The following LRRC7 variants were observed in gnomAD, a reference collection of about 807,000 sequenced individuals.
LRRC7 encodes leucine rich repeat containing 7, also known as leucine-rich repeat-containing protein 7.
A neutral mutation model predicts 175.7 loss-of-function variants in LRRC7; 23 were observed. The observed-to-expected ratio is 0.13, with a 90% CI of 0.09 to 0.19. The LOEUF is 0.19. LRRC7 is among the 10% of genes least tolerant of loss of function. LRRC7 has a pLI of 1.00. For synonymous variants in LRRC7, 685 were observed against 680.9 expected (o/e 1.01, Z -0.09); for missense variants, 1,354 against 1,904.7 (o/e 0.71, Z 5.38).
At chr1:69,861,911 T>A (rs1684399624) in intron 7 of LRRC7, among the ~76,000 whole-genome samples, 1 of 152,200 alleles carries the variant, frequency 6.6e-6, no homozygotes, top group African/African-American at 2.4e-5. Context: ...GTTGCTACAG[T>A]GTAGCTTTCT....
At chr1:69,759,449 A>G (rs1007297950) in intron 2 of LRRC7, among the ~76,000 whole-genome samples, 7 of 151,998 alleles carry the variant, frequency 4.6e-5, no homozygotes, top group Non-Finnish European at 1.0e-4. Context: ...GGTCAGTTTA[A>G]CCTAGAGGAA....
intron 4 of LRRC7, among the ~76,000 whole-genome samples, chr1:69,803,456 G>T (rs2101105821): frequency 6.6e-6 from 1 of 151,470 alleles, no homozygotes; most frequent in South Asian, 2.1e-4. Context: ...TCAAGAATAT[G>T]TACACATTTT....
intron 2 of LRRC7, among the ~76,000 whole-genome samples, chr1:69,724,363 G>A (rs1479231200): frequency 6.6e-6 from 1 of 152,074 alleles, no homozygotes; most frequent in Non-Finnish European, 1.5e-5. Context: ...GAAAACCTAT[G>A]TCTTTGTGAA....
chr1:69,666,622 A>G (rs1658310942), intron 1 of LRRC7, among the ~76,000 whole-genome samples: 1 of 151,996 alleles, frequency 6.6e-6, no homozygotes, highest in Admixed American at 6.6e-5. Flanking sequence ...CATAGTAACC[A>G]CTAAAGATCT....
intron 1 of LRRC7, among the ~76,000 whole-genome samples, chr1:69,609,330 T>C (rs757633513): frequency 2.0e-5 from 3 of 152,100 alleles, no homozygotes; most frequent in Admixed American, 2.0e-4. Context: ...TTTAATATGT[T>C]AATCTATATA....
intron 7 of LRRC7, among the ~76,000 whole-genome samples, chr1:69,911,396 A>G (rs1646526241): frequency 6.6e-6 from 1 of 152,196 alleles, no homozygotes; most frequent in Non-Finnish European, 1.5e-5. Flanking sequence ...CACAATGACT[A>G]ATCTAAGTTA....
At chr1:69,618,482 T>C (rs759657674) in intron 1 of LRRC7, among the ~76,000 whole-genome samples, 2 of 152,182 alleles carry the variant, frequency 1.3e-5, no homozygotes, top group South Asian at 4.1e-4. Flanking sequence ...CAGACATAGT[T>C]GGAGAGGCTA....
chr1:69,999,659 G>A (rs1655339251), intron 11 of LRRC7, among the ~76,000 whole-genome samples: 1 of 152,146 alleles, frequency 6.6e-6, no homozygotes, highest in Non-Finnish European at 1.5e-5. Flanking sequence ...AATAGTTCAG[G>A]TGTTCTCTGA....
At chr1:69,741,608 T>A (rs1377685135) in intron 2 of LRRC7, among the ~76,000 whole-genome samples, 4 of 151,880 alleles carry the variant, frequency 2.6e-5, no homozygotes, top group Non-Finnish European at 4.4e-5. Flanking sequence ...GAGACAGGTA[T>A]GAGGAAGAGA....
chr1:70,114,456 G>A (rs1665721737), intron 26 of LRRC7, among the ~76,000 whole-genome samples: 1 of 152,154 alleles, frequency 6.6e-6, no homozygotes, highest in Non-Finnish European at 1.5e-5. Flanking sequence ...TTGAGGCAGA[G>A]GCAGGAGGAT....
intron 7 of LRRC7, among the ~76,000 whole-genome samples, chr1:69,888,179 A>G (rs1347263807): frequency 3.3e-5 from 5 of 151,450 alleles, no homozygotes; most frequent in South Asian, 2.1e-4. Flanking sequence ...TTGTTTACCT[A>G]AGCAAGCCTG....
At position 70,018,666 on chromosome 1, in the gene LRRC7, C is replaced by T. The variant is rs916543328; in HGVS notation, c.1321-53C>T. 4.7e-5 allele frequency: 58 copies of T among 1,241,536 alleles called. No individual in the cohort carries two copies. In the East Asian group the frequency reaches 1.3e-3, roughly 28 times the overall value. 76.9% of individuals were successfully genotyped at this position (1,241,536 alleles called of 1,614,324 possible). A position where few individuals can be genotyped will look rare whatever the true frequency, so the allele number is the denominator to read the frequency against. On this transcript the variant is annotated intron_variant, in intron 14 of 26. Transcript: ENST00000651989. ...TATCTGAGTGAGACCAGACTATTGA[C>T]TGTTATATATTTGCAATTGTATTCA...
chr1:69,598,721 A>G (rs1646937825), intron 1 of LRRC7, among the ~76,000 whole-genome samples: 1 of 152,194 alleles, frequency 6.6e-6, no homozygotes, highest in Non-Finnish European at 1.5e-5. Flanking sequence ...CATAAATTTA[A>G]CCATCACACA....
At chr1:69,958,086 C>A (rs1650686606) in intron 8 of LRRC7, among the ~76,000 whole-genome samples, 1 of 151,928 alleles carries the variant, frequency 6.6e-6, no homozygotes, top group African/African-American at 2.4e-5. Flanking sequence ...TATATATCAT[C>A]TAATGATTCT....
intron 3 of LRRC7, among the ~76,000 whole-genome samples, chr1:69,766,938 G>A (rs1671688781): frequency 6.6e-6 from 1 of 152,052 alleles, no homozygotes; most frequent in African/African-American, 2.4e-5. Context: ...TACAAATTCA[G>A]TTGTTATTTT....
At chr1:69,909,661 C>T (rs1415092555) in intron 7 of LRRC7, among the ~76,000 whole-genome samples, 1 of 152,064 alleles carries the variant, frequency 6.6e-6, no homozygotes, top group Non-Finnish European at 1.5e-5. Context: ...GATGGGCTTC[C>T]CTTTGAGGGT....
At chr1:69,652,556 A>G (rs1481611309) in intron 1 of LRRC7, among the ~76,000 whole-genome samples, 1 of 152,182 alleles carries the variant, frequency 6.6e-6, no homozygotes, top group African/African-American at 2.4e-5. Context: ...AAAGCAATCT[A>G]CAAATTCAAT....
intron 7 of LRRC7, among the ~76,000 whole-genome samples, chr1:69,877,981 T>C (rs1686196357): frequency 6.6e-6 from 1 of 151,890 alleles, no homozygotes; most frequent in South Asian, 2.1e-4. Flanking sequence ...AGACAAGAAA[T>C]TGAGGGACCA....
At chr1:69,740,822 C>T (rs1463686745) in intron 2 of LRRC7, among the ~76,000 whole-genome samples, 1 of 151,874 alleles carries the variant, frequency 6.6e-6, no homozygotes, top group Non-Finnish European at 1.5e-5. Flanking sequence ...ATTTAACAGC[C>T]CTGTCTCCAA....
Sources: gnomAD v4.1 joint callset for allele counts (sites outside exome capture counted in the v4.1 genomes callset) on GRCh38, gnomAD v4.1.1 for gene constraint, MANE v1.5 for transcripts, NCBI Gene and HGNC (gene_info 2026-07-23, HGNC 2026-07-21) for gene names.